The following SH3YL1 variants were observed in gnomAD, a reference collection of about 807,000 sequenced individuals.
SH3YL1 encodes SH3 domain-containing YSC84-like protein 1.
SH3YL1 carries 41 observed loss-of-function variants against 45.8 expected under a neutral mutation model. That is an observed-to-expected ratio of 0.89 (90% confidence interval 0.70 to 1.16). The LOEUF (loss-of-function observed/expected upper bound fraction) is 1.16. Ranked by LOEUF, SH3YL1 falls within the 50% of genes most tolerant of loss-of-function variation. The pLI is 0.00. For missense variants in SH3YL1, 389 were observed against 409.6 expected (o/e 0.95, Z 0.43); for synonymous variants, 152 against 151.4 (o/e 1.00, Z -0.03).
At chr2:238,765 G>A (rs1668414935) in intron 4 of SH3YL1, among the ~76,000 whole-genome samples, 1 of 152,146 alleles carries the variant, frequency 6.6e-6, no homozygotes, top group African/African-American at 2.4e-5. Context: ...TGACTTTCAC[G>A]ACTTCACTTC....
At chr2:233,059 C>T (rs1668117216) in intron 6 of SH3YL1, 42 bp downstream of exon 6, 1 of 1,496,750 alleles carries the variant, frequency 6.7e-7, no homozygotes, top group Non-Finnish European at 9.0e-7. Flanking sequence ...GTACTATTTT[C>T]TCATCACACT....
At chr2:247,391 C>T (rs1317558803) in intron 4 of SH3YL1, 147 bp downstream of exon 4, 12 of 578,758 alleles carry the variant, frequency 2.1e-5, no homozygotes, top group East Asian at 3.0e-5. Flanking sequence ...TTTAGTTAGA[C>T]ATTCATCGAG....
chr2:223,051 A>G (rs902959391), intron 9 of SH3YL1: 2 of 152,220 alleles, frequency 1.3e-5, no homozygotes, highest in African/African-American at 4.8e-5. Context: ...ACCTCTTTGG[A>G]GAATGGGCTA....
At chr2:237,850 TAA>T (rs1668372555) in intron 4 of SH3YL1, among the ~76,000 whole-genome samples, 2 of 152,132 alleles carry the variant, frequency 1.3e-5, no homozygotes, top group Admixed American at 6.5e-5. Context: ...TAAAACTGAA[TAA>T]CTCAGATGCA....
rs1378510300 is a variant in SH3YL1 at position 241,921 on chromosome 2, A to G, written c.291+5617T>C. ...TTATAAATTCTAAACAAAGTCCTTC[A>G]GGCTGAAAGCAAGTGACTCTAGAGA... On this transcript the variant is annotated intron_variant, in intron 4 of 9. Transcript: ENST00000356150. 3 of 152,294 alleles carry G rather than the reference A, an allele frequency of 2.0e-5. No individual in the cohort carries two copies. In the East Asian group the frequency reaches 5.8e-4, roughly 29 times the overall value. 9.4% of individuals were successfully genotyped at this position (152,294 alleles called of 1,614,324 possible).
intron 1 of SH3YL1, among the ~76,000 whole-genome samples, chr2:255,631 C>G (rs1182986548): frequency 6.6e-6 from 1 of 152,120 alleles, no homozygotes; most frequent in Non-Finnish European, 1.5e-5. Context: ...TGAAAACTGA[C>G]TTAGGGTCAT....
chr2:261,817 T>C (rs1411782450), intron 1 of SH3YL1, among the ~76,000 whole-genome samples: 2 of 152,232 alleles, frequency 1.3e-5, no homozygotes, highest in East Asian at 3.8e-4. Flanking sequence ...GAGTTCAGAT[T>C]CCCAAACTTT....
intron 1 of SH3YL1, among the ~76,000 whole-genome samples, chr2:254,474 G>A (rs2103053746): frequency 6.6e-6 from 1 of 152,330 alleles, no homozygotes; most frequent in Admixed American, 6.5e-5. Flanking sequence ...CAATTAGGAG[G>A]CACATGCGTG....
In SH3YL1 at chr2:249,801, CACAG is replaced by C. The variant is rs2103047921; in HGVS notation, c.152_155del (p.Ser51Ter). The C allele has an allele frequency of 3.2e-6, 5 of 1,552,070 alleles. No homozygotes were observed. Among genetic ancestry groups the C allele is most frequent in the Non-Finnish European group, 4.4e-6 (5 of 1,147,072 alleles). ...CAGTCACCAGGAACCCGGCTTTGATCACAGACAGAATTGCAAGGCCTTTAGCCTT... is the reference window on the plus strand; with the variant it reads ...CAGTCACCAGGAACCCGGCTTTGATCACAGAATTGCAAGGCCTTTAGCCTT... On this transcript the variant is annotated frameshift_variant, in exon 3 of 10. Coordinates refer to ENST00000356150, the MANE Select transcript of SH3YL1 (RefSeq NM_015677.4). LOFTEE classifies it high-confidence loss of function.
chr2:230,255 T>G (rs577215069), intron 7 of SH3YL1: 5 of 377,656 alleles, frequency 1.3e-5, no homozygotes, highest in African/African-American at 2.1e-5. Context: ...GCTCTTCTCA[T>G]GCCTGGAAGC....
chr2:239,823 T>C (rs915450872), intron 4 of SH3YL1: 5 of 152,198 alleles, frequency 3.3e-5, no homozygotes, highest in African/African-American at 7.2e-5. Flanking sequence ...TAAGGGCATA[T>C]GGCAAGTGAA....
intron 4 of SH3YL1, chr2:243,368 CA>C: frequency 1.2e-6 from 1 of 866,884 alleles, no homozygotes; most frequent in Non-Finnish European, 1.7e-6. Context: ...AAATCAAGGA[CA>C]AGATAAATTT....
chr2:219,768 A>C (rs1667496726), intron 9 of SH3YL1, among the ~76,000 whole-genome samples: 1 of 152,140 alleles, frequency 6.6e-6, no homozygotes, highest in Non-Finnish European at 1.5e-5. Context: ...ATTGCAGCCC[A>C]GTTATATTTT....
At chr2:258,714 C>T (rs1427256208) in intron 1 of SH3YL1, among the ~76,000 whole-genome samples, 1 of 152,154 alleles carries the variant, frequency 6.6e-6, no homozygotes, top group African/African-American at 2.4e-5. Flanking sequence ...CCCTTCTGGG[C>T]TCTCTCCTGG....
intron 9 of SH3YL1, among the ~76,000 whole-genome samples, chr2:221,005 C>T (rs1025989464): frequency 2.0e-5 from 3 of 151,992 alleles, no homozygotes; most frequent in African/African-American, 4.8e-5. Context: ...CGATGTGCAT[C>T]TGGGAAGAGC....
At chr2:233,755 C>T (rs1278012146) in intron 5 of SH3YL1, among the ~76,000 whole-genome samples, 2 of 152,126 alleles carry the variant, frequency 1.3e-5, no homozygotes, top group Non-Finnish European at 2.9e-5. Context: ...ACTTTAAGTA[C>T]TGTAAACACG....
intron 4 of SH3YL1, chr2:243,591 G>T (rs1190379382): frequency 3.3e-6 from 5 of 1,517,926 alleles, no homozygotes; most frequent in Admixed American, 2.3e-5. Flanking sequence ...ACCTCGAGTC[G>T]GTAACCTGAA....
chr2:228,583 T>C (rs994595479), intron 8 of SH3YL1, among the ~76,000 whole-genome samples: 1 of 152,218 alleles, frequency 6.6e-6, no homozygotes. Flanking sequence ...TCAAATTCTA[T>C]ATAATCACTC....
At position 234,212 on chromosome 2, in the gene SH3YL1, C is replaced by T. The variant is rs777401493; in HGVS notation, c.352G>A (p.Gly118Arg). ...DRAVEAFAKG[G>R]NLTLGGNLTV... ...AAGTTCCCTCCGAGGGTCAGATTTC[C>T]GCCTTTTGCAAAAGCTTCTACAGCA... The change falls in exon 5 of 10, where the codon GGA becomes AGA. Residue 118 changes from glycine (G) to arginine (R), a missense_variant. Transcript: ENST00000356150. 21 of 1,613,958 alleles carry T rather than the reference C, an allele frequency of 1.3e-5. No individual in the cohort carries two copies. In the East Asian group the frequency reaches 1.6e-4, roughly 12 times the overall value.
Sources: allele counts gnomAD v4.1 joint callset (sites outside exome capture counted in the v4.1 genomes callset), GRCh38; gene constraint gnomAD v4.1.1; transcripts MANE v1.5; gene names NCBI Gene and HGNC (gene_info 2026-07-23, HGNC 2026-07-21).